HCN4: variants seen among roughly 807,000 people sequenced by gnomAD.
HCN4 encodes potassium/sodium hyperpolarization-activated cyclic nucleotide-gated channel 4.
Under a neutral mutation model 76.9 loss-of-function variants are expected in HCN4, and 29 were observed. That is an observed-to-expected ratio of 0.38 (90% CI 0.28 to 0.51). The LOEUF (loss-of-function observed/expected upper bound fraction) is 0.51, where lower values mean the gene tolerates loss of function less well. HCN4 is among the 20% of genes least tolerant of loss of function. The pLI, the probability that HCN4 is intolerant of heterozygous loss-of-function variation, is 0.90. For synonymous variants in HCN4, 772 were observed against 762.5 expected (o/e 1.01, Z -0.21); for missense variants, 1,416 against 1,715.2 (o/e 0.83, Z 3.08).
chr15:73,324,929 T>A, intron 6 of HCN4, 26 bp downstream of exon 6: 1 of 1,612,836 alleles, frequency 6.2e-7, no homozygotes, highest in Non-Finnish European at 8.5e-7. Flanking sequence ...AGCTGCCCTG[T>A]CCCCCAGGGC....
chr15:73,325,499 C>T lies in HCN4; in HGVS notation c.1591-55G>A. The T allele has an allele frequency of 6.3e-7, 1 of 1,589,164 alleles. No homozygotes were observed. The highest frequency in any genetic ancestry group is 8.6e-7 in the Non-Finnish European group (1 of 1,157,416). The stretch of plus-strand genomic sequence containing the variant: ...CACCCCACCAGGGGGCGTCAGCAGC[C>T]AGCCCCACCACCTCGGCAGGCACCA... On this transcript the variant is annotated intron_variant, in intron 4 of 7. Coordinates refer to ENST00000261917, the MANE Select transcript of HCN4 (RefSeq NM_005477.3). The surrounding 1 kb of genome is among the most constrained non-coding windows in gnomAD (Gnocchi z 7.4).
chr15:73,325,022 A>G lies in HCN4; in HGVS notation c.1911T>C (p.His637=), dbSNP rs374108859. ...TIGKKMYFIQ[H]GVVSVLTKGN... is the part of the protein sequence containing the mutation. ...CCTTGGTGAGCACGCTGACCACGCC[A>G]TGCTGGATGAAGTACATCTTCTTGC... Residue 637 remains histidine (H), a synonymous_variant, in exon 6 of 8, where the codon CAT becomes CAC. Coordinates refer to ENST00000261917, the MANE Select transcript of HCN4 (RefSeq NM_005477.3). This position sits in a 1 kb window ranked among gnomAD's most constrained non-coding sequence, Gnocchi z 7.4. 6.2e-7 allele frequency: 1 copy of G among 1,614,214 alleles called. No homozygotes were observed. The highest frequency in any genetic ancestry group is 1.3e-5 in the African/African-American group (1 of 75,068).
chr15:73,331,992 G>A, intron 3 of HCN4, 139 bp downstream of exon 3: 1 of 795,724 alleles, frequency 1.3e-6, no homozygotes, highest in Non-Finnish European at 2.2e-6. Context: ...ACTGGGTAGA[G>A]CTATGTGCCC....
rs375180021 is a variant in HCN4 at position 73,323,694 on chromosome 15, C to T, written c.2399G>A (p.Arg800His). The change falls in exon 8 of 8, where the codon CGC becomes CAC. Residue 800 changes from arginine (R) to histidine (H), a missense_variant. By Grantham distance (29) the Arg-to-His change is conservative. Coordinates refer to ENST00000261917, the MANE Select transcript of HCN4 (RefSeq NM_005477.3). The stretch of plus-strand genomic sequence containing the variant: ...AGGGCGGAAGATGGCAGCAGGCAGG[C>T]GAGGGTGGTGGGTGAGGGCTATGGC... ...SVAIALTHHP[R>H]LPAAIFRPPP... 3.8e-6 allele frequency: 6 copies of T among 1,593,472 alleles called. No homozygotes were observed. Among genetic ancestry groups the T allele is most frequent in the East Asian group, 2.2e-5 (1 of 44,644 alleles).
rs3743496 is a variant in HCN4 at position 73,322,067 on chromosome 15, G to T, written c.*414C>A. 0.31 allele frequency: 78,283 copies of T among 253,966 alleles called. 13,592 individuals carry two copies. The highest frequency in any genetic ancestry group is 0.54 in the East Asian group (5,024 of 9,334). 15.7% of individuals were successfully genotyped at this position (253,966 alleles called of 1,614,324 possible). A position where few individuals can be genotyped will look rare whatever the true frequency, so the allele number is the denominator to read the frequency against. Reference sequence around the variant, plus strand: ...ACACCCCAGGGCAGCCCCTTTCTGGGGGCAGAGTGGAGCTCCAAGTTACAG... The same window carrying T: ...ACACCCCAGGGCAGCCCCTTTCTGGTGGCAGAGTGGAGCTCCAAGTTACAG... On this transcript the variant is annotated 3_prime_UTR_variant, in exon 8 of 8. Transcript: ENST00000261917.
At chr15:73,346,486 C>T (rs1026511638) in intron 1 of HCN4, among the ~76,000 whole-genome samples, 3 of 152,006 alleles carry the variant, frequency 2.0e-5, no homozygotes, top group East Asian at 1.9e-4. Flanking sequence ...AGAGAAGAGC[C>T]AAAGCAAAAC....
intron 3 of HCN4, among the ~76,000 whole-genome samples, chr15:73,331,283 TG>T (rs1459392985): frequency 1.3e-5 from 2 of 152,134 alleles, no homozygotes; most frequent in Non-Finnish European, 2.9e-5. Context: ...AGGGATAGGG[TG>T]GGGTCAGGCT....
intron 2 of HCN4, among the ~76,000 whole-genome samples, chr15:73,333,008 G>A (rs1238511901): frequency 6.6e-6 from 1 of 152,216 alleles, no homozygotes; most frequent in Non-Finnish European, 1.5e-5. Context: ...ATTATTAATT[G>A]ATAAGCTGTT....
At chr15:73,331,385 A>G (rs1258868327) in intron 3 of HCN4, among the ~76,000 whole-genome samples, 1 of 152,214 alleles carries the variant, frequency 6.6e-6, no homozygotes, top group Admixed American at 6.5e-5. Flanking sequence ...TGGAGTAGAA[A>G]GTGACCACAT....
chr15:73,349,657 G>A (rs971393180), intron 1 of HCN4, among the ~76,000 whole-genome samples: 6 of 151,930 alleles, frequency 3.9e-5, no homozygotes, highest in African/African-American at 9.7e-5. Context: ...CTGCCTCCCC[G>A]CTTAAGTGAA....
At chr15:73,344,045 G>A (rs765499298) in intron 1 of HCN4, among the ~76,000 whole-genome samples, 15 of 152,106 alleles carry the variant, frequency 9.9e-5, no homozygotes, top group South Asian at 2.1e-4. Context: ...GAGTTTCCCC[G>A]AGCCCCAACA....
chr15:73,336,542 G>T (rs750339223), intron 2 of HCN4, among the ~76,000 whole-genome samples: 1 of 152,074 alleles, frequency 6.6e-6, no homozygotes, highest in South Asian at 2.1e-4. Flanking sequence ...CTATCTCTAC[G>T]TGGACACATC....
In HCN4 at chr15:73,322,960, C is replaced by T. The variant is rs781424229; in HGVS notation, c.3133G>A (p.Ala1045Thr). 2.8e-6 allele frequency: 4 copies of T among 1,427,892 alleles called. No homozygotes were observed. Among genetic ancestry groups the T allele is most frequent in the Non-Finnish European group, 2.8e-6 (3 of 1,086,168 alleles). The allele number at this position is 1,427,892 out of a possible 1,614,324, so 88.5% of individuals were successfully genotyped here. A position where few individuals can be genotyped will look rare whatever the true frequency, so the allele number is the denominator to read the frequency against. The change falls in exon 8 of 8, where the codon GCC becomes ACC. Residue 1045 changes from alanine to threonine, a missense_variant. By Grantham distance (58) the Ala-to-Thr change is moderately conservative (BLOSUM62 0). Coordinates refer to ENST00000261917, the MANE Select transcript of HCN4 (RefSeq NM_005477.3). ...AGCAAGGATCCGTGGGAGCCAGAGG[C>T]CCGGGGCGGGGCACTCGGGAAGGTT... The part of the protein sequence containing the change: ...PRTFPSAPPR[A>T]SGSHGSLLLP...
chr15:73,331,037 A>G (rs1051594802), intron 3 of HCN4, among the ~76,000 whole-genome samples: 2 of 152,078 alleles, frequency 1.3e-5, no homozygotes, highest in Non-Finnish European at 2.9e-5. Context: ...TTCAAAGCCA[A>G]TTTTTCCTCC....
At chr15:73,351,929 G>C (rs1015541334) in intron 1 of HCN4, among the ~76,000 whole-genome samples, 1 of 152,098 alleles carries the variant, frequency 6.6e-6, no homozygotes, top group African/African-American at 2.4e-5. Flanking sequence ...TTTCCCACAT[G>C]CTGTCATCTC....
intron 6 of HCN4, 66 bp downstream of exon 6, chr15:73,324,889 C>T (rs372548836): frequency 4.0e-5 from 64 of 1,600,010 alleles, no homozygotes; most frequent in East Asian, 3.4e-4. Flanking sequence ...TCTGTCCCCT[C>T]GGTATCTCCC....
intron 2 of HCN4, chr15:73,335,447 AG>A (rs1376307433): frequency 6.6e-6 from 1 of 152,320 alleles, no homozygotes; most frequent in East Asian, 1.9e-4. Flanking sequence ...AAACTGTTAA[AG>A]AAAATATATT....
Position 73,328,214 on chromosome 15 carries a change from C to T in HCN4, c.1590+1359G>A, listed in dbSNP as rs938819900. On this transcript the variant is annotated intron_variant, in intron 4 of 7. Coordinates refer to ENST00000261917, the MANE Select transcript of HCN4 (RefSeq NM_005477.3). This position sits in a 1 kb window ranked among gnomAD's most constrained non-coding sequence, Gnocchi z 4.0. ...GGCTTCTCTAAGTGGTGAGGCTGGA[C>T]GTGGAGAGGGTGTCAGGTGGACACC... 6.6e-6 allele frequency among the ~76,000 whole-genome samples: 1 copy of T among 151,766 alleles called. No homozygotes were observed. Among genetic ancestry groups the T allele is most frequent in the African/African-American group, 2.4e-5 (1 of 41,316 alleles).
Position 73,323,113 on chromosome 15 carries a change from G to A in HCN4, c.2980C>T (p.Pro994Ser). 6.3e-7 allele frequency: 1 copy of A among 1,594,586 alleles called. No homozygotes were observed. Among genetic ancestry groups the A allele is most frequent in the Non-Finnish European group, 8.5e-7 (1 of 1,172,258 alleles). The change falls in exon 8 of 8, where the codon CCA (proline) becomes TCA (serine). Residue 994 changes from proline to serine, a missense_variant. Coordinates refer to ENST00000261917, the MANE Select transcript of HCN4 (RefSeq NM_005477.3). ...LGLATGPLSTPETPPRQPEPP... is the reference protein window; with the variant it reads ...LGLATGPLSTSETPPRQPEPP... ...TCAGGCTGCCGTGGGGGTGTCTCTGGCGTGCTCAGTGGGCCAGTGGCCAGA... is the reference window on the plus strand; with the variant it reads ...TCAGGCTGCCGTGGGGGTGTCTCTGACGTGCTCAGTGGGCCAGTGGCCAGA...
Sources: gnomAD v4.1 joint callset for allele counts (sites outside exome capture counted in the v4.1 genomes callset) on GRCh38, gnomAD v4.1.1 for gene constraint, Gnocchi (gnomAD v3.1) non-coding constraint, MANE v1.5 for transcripts, NCBI Gene and HGNC (gene_info 2026-07-23, HGNC 2026-07-21) for gene names.